The following AGBL4 variants were observed in gnomAD, a reference collection of about 807,000 sequenced individuals.
The protein encoded by AGBL4 is AGBL carboxypeptidase 4, also known as cytosolic carboxypeptidase 6.
In AGBL4, 58 loss-of-function variants were observed where a neutral mutation model predicts 66.4. The ratio of observed to expected loss-of-function variants is 0.87; its 90% CI spans 0.71 to 1.09. AGBL4 has a LOEUF of 1.09. Among genes scored for constraint, AGBL4 ranks in the 50% least tolerant of loss-of-function variants. AGBL4 has a pLI of 0.00. For missense variants in AGBL4, 579 were observed against 631.0 expected (o/e 0.92, Z 0.88); for synonymous variants, 234 against 222.9 (o/e 1.05, Z -0.44).
chr1:48,798,903 T>C (rs1194368351), intron 6 of AGBL4, among the ~76,000 whole-genome samples: 1 of 152,202 alleles, frequency 6.6e-6, no homozygotes, highest in African/African-American at 2.4e-5. Flanking sequence ...AGTACCATGC[T>C]GTACCACGTA....
intron 3 of AGBL4, among the ~76,000 whole-genome samples, chr1:49,417,348 G>C (rs1645449076): frequency 6.6e-6 from 1 of 152,156 alleles, no homozygotes; most frequent in African/African-American, 2.4e-5. Context: ...TGAAGAACTA[G>C]TTTTACAAAC....
intron 3 of AGBL4, among the ~76,000 whole-genome samples, chr1:49,610,835 C>T (rs1645141830): frequency 6.6e-6 from 1 of 152,164 alleles, no homozygotes; most frequent in Admixed American, 6.5e-5. Context: ...GACTAAGATA[C>T]AAACCAAAAC....
chr1:49,775,999 AAAG>A (rs143278850), intron 2 of AGBL4, among the ~76,000 whole-genome samples: 4,343 of 152,196 alleles, frequency 0.029, 81 homozygotes, highest in Middle Eastern at 0.061. Flanking sequence ...CTGGGTGTAC[AAAG>A]AAGAACAAGA....
At chr1:49,071,804 A>T (rs990813772) in intron 4 of AGBL4, among the ~76,000 whole-genome samples, 2 of 151,044 alleles carry the variant, frequency 1.3e-5, no homozygotes, top group African/African-American at 2.5e-5. Context: ...ATCCTTGTGA[A>T]TTTTTTGTCT....
chr1:48,963,980 G>T (rs1323922476), intron 5 of AGBL4, among the ~76,000 whole-genome samples: 1 of 152,122 alleles, frequency 6.6e-6, no homozygotes, highest in African/African-American at 2.4e-5. Context: ...ATATTTAAAT[G>T]CTGAGCATAC....
chr1:49,756,375 A>G (rs1651885414), intron 2 of AGBL4, among the ~76,000 whole-genome samples: 1 of 152,200 alleles, frequency 6.6e-6, no homozygotes, highest in African/African-American at 2.4e-5. Flanking sequence ...AGGCCACAGT[A>G]ACCAGGAGTT....
intron 3 of AGBL4, among the ~76,000 whole-genome samples, chr1:49,517,381 C>A (rs1362602985): frequency 1.3e-5 from 2 of 151,696 alleles, no homozygotes; most frequent in Admixed American, 1.3e-4. Flanking sequence ...GTAGCATGGT[C>A]ACAGCACATA....
In AGBL4 at chr1:48,533,980, T is replaced by G. The variant is rs1266703635; in HGVS notation, c.*193A>C. The G allele has an allele frequency of 3.4e-6, 3 of 890,812 alleles. No individual in the cohort carries two copies. Among genetic ancestry groups the G allele is most frequent in the Non-Finnish European group, 5.1e-6 (3 of 582,624 alleles). 55.2% of individuals were successfully genotyped at this position (890,812 alleles called of 1,614,324 possible). The stretch of plus-strand genomic sequence containing the variant: ...TATTTTGTTCCTGAGCTTTTTGAGC[T>G]GAAGGCTTACAATTGATTTTCCATT... On this transcript the variant is annotated 3_prime_UTR_variant, in exon 14 of 14. Coordinates refer to ENST00000371839, the MANE Select transcript of AGBL4 (RefSeq NM_032785.4).
At chr1:49,080,964 G>A (rs1418609456) in intron 4 of AGBL4, among the ~76,000 whole-genome samples, 1 of 152,024 alleles carries the variant, frequency 6.6e-6, no homozygotes, top group African/African-American at 2.4e-5. Context: ...AAAACAATTA[G>A]AATTTCATTA....
chr1:49,555,111 C>T (rs941683315), intron 3 of AGBL4, among the ~76,000 whole-genome samples: 1 of 152,332 alleles, frequency 6.6e-6, no homozygotes, highest in East Asian at 1.9e-4. Context: ...TCTGACCCCA[C>T]TCACATCCCG....
chr1:49,329,672 C>CA (rs904808682), intron 3 of AGBL4, among the ~76,000 whole-genome samples: 20 of 151,044 alleles, frequency 1.3e-4, no homozygotes, highest in Admixed American at 6.6e-4. Context: ...CGCCCCCCGC[C>CA]AAAAAAAAGC....
intron 4 of AGBL4, among the ~76,000 whole-genome samples, chr1:49,168,487 CAGA>C (rs1426375117): frequency 1.3e-5 from 2 of 152,170 alleles, no homozygotes; most frequent in Non-Finnish European, 2.9e-5. Flanking sequence ...TTGGAGGTTG[CAGA>C]AGAAAGGGTT....
At chr1:49,214,843 C>A (rs1648958042) in intron 4 of AGBL4, among the ~76,000 whole-genome samples, 1 of 152,066 alleles carries the variant, frequency 6.6e-6, no homozygotes, top group Admixed American at 6.6e-5. Context: ...AAGGGAGTAT[C>A]AAGTATATTT....
chr1:49,432,282 G>A (rs1473796794), intron 3 of AGBL4, among the ~76,000 whole-genome samples: 1 of 152,168 alleles, frequency 6.6e-6, no homozygotes, highest in East Asian at 1.9e-4. Context: ...TAGACATATA[G>A]CTTAGCAGGT....
chr1:48,599,233 T>C (rs1377640085), intron 9 of AGBL4, among the ~76,000 whole-genome samples: 3 of 152,192 alleles, frequency 2.0e-5, no homozygotes, highest in African/African-American at 7.2e-5. Context: ...TTGTTTTAAG[T>C]AGAAGTACAC....
intron 6 of AGBL4, among the ~76,000 whole-genome samples, chr1:48,841,101 T>C (rs1404451171): frequency 5.3e-5 from 8 of 152,102 alleles, no homozygotes; most frequent in Admixed American, 5.2e-4. Context: ...CAGTGTTTGC[T>C]AGGGGTTAGG....
intron 5 of AGBL4, among the ~76,000 whole-genome samples, chr1:48,892,086 C>G (rs1012345804): frequency 3.3e-5 from 5 of 151,144 alleles, no homozygotes; most frequent in East Asian, 1.9e-4. Flanking sequence ...GAGGCATGCT[C>G]TCTCCAAAAG....
rs112756347 is a variant in AGBL4 at position 49,060,437 on chromosome 1, T to G, written c.378-14637A>C. Among the ~76,000 whole-genome samples, 271 of 152,316 alleles carry G rather than the reference T, an allele frequency of 1.8e-3. 3 individuals carry two copies. Among genetic ancestry groups the G allele is most frequent in the African/African-American group, 6.1e-3 (252 of 41,562 alleles). ...TATGGGGCAGTTCTTTATGGCAATG[T>G]GAGAACATACTAATACACAGCCTCA... On this transcript the variant is annotated intron_variant, in intron 4 of 13. Transcript: ENST00000371839.
At position 48,591,002 on chromosome 1, in the gene AGBL4, T is replaced by A; in HGVS notation, c.952-17A>T. The A allele has an allele frequency of 6.3e-7, 1 of 1,598,114 alleles. No individual in the cohort carries two copies. Among genetic ancestry groups the A allele is most frequent in the Non-Finnish European group, 8.5e-7 (1 of 1,172,782 alleles). On this transcript the variant is annotated splice_polypyrimidine_tract_variant and intron_variant, in intron 9 of 13. Coordinates refer to ENST00000371839, the MANE Select transcript of AGBL4 (RefSeq NM_032785.4). Reference sequence around the variant, plus strand: ...GCTTGTTTTCTGTTGAGAGAAAGGATAACAAATGAGAAGTCTGGGCTGTAG... The same window carrying A: ...GCTTGTTTTCTGTTGAGAGAAAGGAAAACAAATGAGAAGTCTGGGCTGTAG...
Sources: gnomAD v4.1 joint callset for allele counts (sites outside exome capture counted in the v4.1 genomes callset) on GRCh38, gnomAD v4.1.1 for gene constraint, MANE v1.5 for transcripts, NCBI Gene and HGNC (gene_info 2026-07-23, HGNC 2026-07-21) for gene names.